The following PIK3C2G variants were observed in gnomAD, a reference collection of about 807,000 sequenced individuals.
The protein encoded by PIK3C2G is phosphatidylinositol 3-kinase C2 domain-containing subunit gamma.
PIK3C2G carries 168 observed loss-of-function variants against 181.1 expected under a neutral mutation model. The ratio of observed to expected loss-of-function variants is 0.93; its 90% CI spans 0.82 to 1.05. The LOEUF (loss-of-function observed/expected upper bound fraction) is 1.05. Ranked by LOEUF, PIK3C2G falls within the 50% of genes least tolerant of loss-of-function variation. PIK3C2G has a pLI of 0.00. For synonymous variants in PIK3C2G, 573 were observed against 592.2 expected (o/e 0.97, Z 0.47); for missense variants, 1,869 against 1,732.8 (o/e 1.08, Z -1.40).
chr12:18,494,404 G>C (rs957831130), intron 20 of PIK3C2G, among the ~76,000 whole-genome samples: 1 of 152,012 alleles, frequency 6.6e-6, no homozygotes, highest in African/African-American at 2.4e-5. Flanking sequence ...GTGTGGGTGG[G>C]TGTGGGTGTG....
At chr12:18,321,789 G>A (rs961346815) in intron 7 of PIK3C2G, among the ~76,000 whole-genome samples, 7 of 152,124 alleles carry the variant, frequency 4.6e-5, no homozygotes, top group South Asian at 2.1e-4. Context: ...TGTCTCTTGC[G>A]GGACAGAGAT....
the PIK3C2G span, among the ~76,000 whole-genome samples, chr12:18,708,706 G>T: frequency 6.6e-6 from 1 of 152,030 alleles, no homozygotes; most frequent in Non-Finnish European, 1.5e-5. Context: ...TTCTAACATG[G>T]TAAGACTGTG....
intron 31 of PIK3C2G, among the ~76,000 whole-genome samples, chr12:18,629,121 C>T (rs1050599133): frequency 6.6e-6 from 1 of 152,188 alleles, no homozygotes; most frequent in African/African-American, 2.4e-5. Context: ...ATCCAGCCCC[C>T]TGGCCTAACC....
In PIK3C2G at chr12:18,538,428, G is replaced by A. The variant is rs987090354; in HGVS notation, c.3480+116G>A. The A allele has an allele frequency of 6.2e-6, 5 of 812,948 alleles. No homozygotes were observed. The African/African-American group carries it at 8.7e-5, about 14-fold the overall frequency. The allele number at this position is 812,948 out of a possible 1,614,324, so 50.4% of individuals were successfully genotyped here. ...CCAAGGAGCTATTCGGAAGAGAAAG[G>A]AATGAGAAAACTAAGAGTACCATTG... is the stretch of plus-strand genomic sequence containing the variant. On this transcript the variant is annotated intron_variant, in intron 25 of 32. Coordinates refer to ENST00000538779, the MANE Select transcript of PIK3C2G (RefSeq NM_001288772.2).
At chr12:18,480,737 C>T (rs770934314) in intron 18 of PIK3C2G, among the ~76,000 whole-genome samples, 1 of 152,054 alleles carries the variant, frequency 6.6e-6, no homozygotes, top group Non-Finnish European at 1.5e-5. Context: ...GCATAATTCA[C>T]CCCTGAATTT....
chr12:18,298,016 A>C (rs1950014130), intron 5 of PIK3C2G, among the ~76,000 whole-genome samples: 1 of 151,942 alleles, frequency 6.6e-6, no homozygotes. Flanking sequence ...TGTTATACTA[A>C]TTTCCTTTCT....
intron 5 of PIK3C2G, among the ~76,000 whole-genome samples, chr12:18,302,837 C>A (rs1950231189): frequency 1.3e-5 from 2 of 152,032 alleles, no homozygotes; most frequent in Non-Finnish European, 2.9e-5. Context: ...TGATTCCCAG[C>A]CCCACGGATA....
At chr12:18,511,956 A>G (rs1449739191) in intron 24 of PIK3C2G, among the ~76,000 whole-genome samples, 1 of 152,046 alleles carries the variant, frequency 6.6e-6, no homozygotes, top group Non-Finnish European at 1.5e-5. Flanking sequence ...CAAGTCTTAT[A>G]TTTAAGTAAT....
intron 15 of PIK3C2G, among the ~76,000 whole-genome samples, chr12:18,398,430 C>CT (rs1944025695): frequency 1.3e-5 from 2 of 152,064 alleles, no homozygotes; most frequent in Non-Finnish European, 1.5e-5. Context: ...CCAGTCTTTT[C>CT]TTTTTACAGA....
At chr12:18,530,735 T>C (rs549106910) in intron 24 of PIK3C2G, among the ~76,000 whole-genome samples, 9 of 152,260 alleles carry the variant, frequency 5.9e-5, no homozygotes. Flanking sequence ...TGAATTCTCA[T>C]GAGAACTGGT....
At chr12:18,324,938 A>G in intron 7 of PIK3C2G, 97 bp from the exon 8 acceptor site, 1 of 653,306 alleles carries the variant, frequency 1.5e-6, no homozygotes. Flanking sequence ...CTACGATAGT[A>G]TCATGGGCAA....
At chr12:18,307,293 C>A (rs1226846247) in intron 5 of PIK3C2G, among the ~76,000 whole-genome samples, 2 of 151,354 alleles carry the variant, frequency 1.3e-5, no homozygotes, top group African/African-American at 2.4e-5. Context: ...AAGATAGTAA[C>A]TAGCAGATAG....
the PIK3C2G span, among the ~76,000 whole-genome samples, chr12:18,675,005 A>T: frequency 6.6e-6 from 1 of 152,144 alleles, no homozygotes; most frequent in Non-Finnish European, 1.5e-5. Flanking sequence ...AACTCTCTAG[A>T]TCAGCACTTC....
chr12:18,365,736 C>T (rs1405339976), intron 12 of PIK3C2G, among the ~76,000 whole-genome samples: 1 of 152,238 alleles, frequency 6.6e-6, no homozygotes, highest in East Asian at 1.9e-4. Flanking sequence ...ATGCCAACAG[C>T]TCCCAAATTT....
At chr12:18,398,726 G>C (rs1467507891) in intron 15 of PIK3C2G, among the ~76,000 whole-genome samples, 1 of 152,126 alleles carries the variant, frequency 6.6e-6, no homozygotes, top group African/African-American at 2.4e-5. Context: ...GCAAATACTT[G>C]AGCATCTAAG....
chr12:18,497,235 A>C (rs375503544), intron 21 of PIK3C2G, among the ~76,000 whole-genome samples: 2 of 152,280 alleles, frequency 1.3e-5, no homozygotes, highest in East Asian at 3.9e-4. Context: ...ATGACATACC[A>C]AATAATGTTT....
chr12:18,637,208 A>G (rs1291967825), intron 31 of PIK3C2G, among the ~76,000 whole-genome samples: 1 of 152,134 alleles, frequency 6.6e-6, no homozygotes, highest in Non-Finnish European at 1.5e-5. Flanking sequence ...AAAAACCCAT[A>G]GGTCCCTTTG....
chr12:18,412,707 A>G (rs1944934768), intron 16 of PIK3C2G, among the ~76,000 whole-genome samples: 1 of 152,234 alleles, frequency 6.6e-6, no homozygotes, highest in Admixed American at 6.5e-5. Flanking sequence ...GATAGATATC[A>G]TTCACATAAA....
At chr12:18,371,646 A>G (rs1592089830) in intron 13 of PIK3C2G, among the ~76,000 whole-genome samples, 1 of 152,190 alleles carries the variant, frequency 6.6e-6, no homozygotes, top group South Asian at 2.1e-4. Flanking sequence ...TCATTTAGAA[A>G]GAATGTAAGT....
Sources: gnomAD v4.1 joint callset for allele counts (sites outside exome capture counted in the v4.1 genomes callset) on GRCh38, gnomAD v4.1.1 for gene constraint, MANE v1.5 for transcripts, NCBI Gene and HGNC (gene_info 2026-07-23, HGNC 2026-07-21) for gene names.